The following MBNL1 variants were observed in gnomAD, a reference collection of about 807,000 sequenced individuals.
The protein encoded by MBNL1 is muscleblind-like protein 1.
MBNL1 carries 8 observed loss-of-function variants against 42.2 expected under a neutral mutation model. That is an observed-to-expected ratio of 0.19 (90% confidence interval 0.11 to 0.34). The LOEUF is 0.34. Ranked by LOEUF, MBNL1 falls within the 10% of genes least tolerant of loss-of-function variation. MBNL1 has a pLI of 1.00. For synonymous variants in MBNL1, 169 were observed against 173.9 expected, an observed-to-expected ratio of 0.97 and a Z score of 0.22; for missense variants, 309 against 495.3, an observed-to-expected ratio of 0.62 and a Z score of 3.57.
chr3:152,388,975 A>G (rs1031203065), intron 2 of MBNL1, among the ~76,000 whole-genome samples: 1 of 152,268 alleles, frequency 6.6e-6, no homozygotes, highest in African/African-American at 2.4e-5. Context: ...AAGATTAATA[A>G]TAAACCTTTT....
rs937072010 is a variant in MBNL1 at position 152,346,095 on chromosome 3, C to T, written c.174+45728C>T. On this transcript the variant is annotated intron_variant, in intron 2 of 9. Transcript: ENST00000324210. The stretch of plus-strand genomic sequence containing the variant: ...AACTGTAAGTCAGTGGAAGTTTTTC[C>T]TAGTCAAGATGTCAAATGCCAGAGG... Among the ~76,000 whole-genome samples the T allele has an allele frequency of 3.9e-5, 6 of 151,990 alleles. No individual in the cohort carries two copies. In the South Asian group the frequency reaches 1.2e-3, roughly 32 times the overall value.
chr3:152,419,206 T>C (rs1215334551), intron 3 of MBNL1, among the ~76,000 whole-genome samples: 1 of 152,136 alleles, frequency 6.6e-6, no homozygotes, highest in Non-Finnish European at 1.5e-5. Context: ...TAATCATATG[T>C]TCTTTGAGGA....
chr3:152,384,158 G>A (rs546761970), intron 2 of MBNL1, among the ~76,000 whole-genome samples: 2 of 152,204 alleles, frequency 1.3e-5, no homozygotes, highest in South Asian at 2.1e-4. Flanking sequence ...TATTTTTAAG[G>A]AAAGTTACAC....
chr3:152,396,209 C>T, intron 2 of MBNL1: 1 of 358,018 alleles, frequency 2.8e-6, no homozygotes, highest in Admixed American at 2.8e-5. Context: ...AGGGCTCCCA[C>T]TGATTCTACA....
At chr3:152,339,229 G>C (rs2092372979) in intron 2 of MBNL1, among the ~76,000 whole-genome samples, 1 of 151,916 alleles carries the variant, frequency 6.6e-6, no homozygotes, top group Non-Finnish European at 1.5e-5. Flanking sequence ...TCTAACTATG[G>C]TGATTTCTTG....
At chr3:152,377,782 T>C (rs2096975766) in intron 2 of MBNL1, among the ~76,000 whole-genome samples, 1 of 152,190 alleles carries the variant, frequency 6.6e-6, no homozygotes, top group South Asian at 2.1e-4. Flanking sequence ...AATCTATTGT[T>C]TCATAATAGG....
intron 2 of MBNL1, among the ~76,000 whole-genome samples, chr3:152,388,094 G>A (rs1467322282): frequency 6.6e-6 from 1 of 152,182 alleles, no homozygotes; most frequent in Non-Finnish European, 1.5e-5. Flanking sequence ...CATTCTTGTA[G>A]TTTAGATTTC....
intron 3 of MBNL1, among the ~76,000 whole-genome samples, chr3:152,431,030 T>A (rs1177247355): frequency 6.6e-6 from 1 of 152,266 alleles, no homozygotes; most frequent in Non-Finnish European, 1.5e-5. Context: ...TTCTGTTTTT[T>A]CATATTTTTG....
intron 4 of MBNL1, among the ~76,000 whole-genome samples, chr3:152,440,215 C>A (rs1294021326): frequency 6.6e-6 from 1 of 152,078 alleles, no homozygotes; most frequent in Non-Finnish European, 1.5e-5. Context: ...AGTAGGTGTC[C>A]TTTTCTTGAA....
chr3:152,377,858 A>G (rs1356526670), intron 2 of MBNL1, among the ~76,000 whole-genome samples: 1 of 152,204 alleles, frequency 6.6e-6, no homozygotes, highest in African/African-American at 2.4e-5. Flanking sequence ...TCTTCCGTGG[A>G]TTCTTGGAAA....
At chr3:152,408,136 C>G (rs1380620455) in intron 2 of MBNL1, among the ~76,000 whole-genome samples, 2 of 151,930 alleles carry the variant, frequency 1.3e-5, no homozygotes, top group Admixed American at 6.6e-5. Context: ...CACAGGTACC[C>G]CAGAACTTAA....
intron 2 of MBNL1, among the ~76,000 whole-genome samples, chr3:152,364,755 A>G (rs544013156): frequency 1.2e-4 from 18 of 152,006 alleles, no homozygotes; most frequent in African/African-American, 3.9e-4. Context: ...ACCTGAGGGG[A>G]AAAAAAATTG....
intron 3 of MBNL1, among the ~76,000 whole-genome samples, chr3:152,418,345 C>G (rs1487707488): frequency 6.6e-6 from 1 of 150,698 alleles, no homozygotes; most frequent in Non-Finnish European, 1.5e-5. Context: ...AGACACACCA[C>G]TGGCCAACTC....
intron 2 of MBNL1, among the ~76,000 whole-genome samples, chr3:152,317,173 C>T (rs2072370407): frequency 6.6e-6 from 1 of 152,094 alleles, no homozygotes; most frequent in Admixed American, 6.6e-5. Flanking sequence ...GCTTTATTAA[C>T]TTCCTTTATT....
intron 2 of MBNL1, among the ~76,000 whole-genome samples, chr3:152,376,804 G>A (rs376577306): frequency 1.3e-4 from 19 of 151,948 alleles, no homozygotes; most frequent in African/African-American, 2.4e-4. Context: ...ACGTGCATGC[G>A]CACACACACA....
chr3:152,399,226 A>G (rs1197777430), intron 2 of MBNL1, among the ~76,000 whole-genome samples: 1 of 152,186 alleles, frequency 6.6e-6, no homozygotes, highest in Non-Finnish European at 1.5e-5. Context: ...TTGGTATAAA[A>G]TATATTCAAG....
At chr3:152,406,670 C>G (rs182664296) in intron 2 of MBNL1, among the ~76,000 whole-genome samples, 5 of 151,986 alleles carry the variant, frequency 3.3e-5, no homozygotes, top group African/African-American at 1.2e-4. Flanking sequence ...TCATAGTATC[C>G]CAGTGTTTGA....
intron 2 of MBNL1, among the ~76,000 whole-genome samples, chr3:152,393,960 A>G (rs2097825974): frequency 6.6e-6 from 1 of 152,182 alleles, no homozygotes; most frequent in Non-Finnish European, 1.5e-5. Context: ...AATAGTGCCT[A>G]ATTTATTAAG....
chr3:152,291,385 AG>A (rs2055881808), intron 1 of MBNL1, among the ~76,000 whole-genome samples: 1 of 152,170 alleles, frequency 6.6e-6, no homozygotes, highest in African/African-American at 2.4e-5. Flanking sequence ...ATAATCAAGG[AG>A]GTATTTAAAT....
Sources: allele counts gnomAD v4.1 joint callset (sites outside exome capture counted in the v4.1 genomes callset), GRCh38; gene constraint gnomAD v4.1.1; transcripts MANE v1.5; gene names NCBI Gene and HGNC (gene_info 2026-07-23, HGNC 2026-07-21).